The following CCDC7 variants were observed in gnomAD, a reference collection of about 807,000 sequenced individuals.
The protein encoded by CCDC7 is coiled-coil domain-containing protein 7.
In CCDC7, 183 loss-of-function variants were observed where a neutral mutation model predicts 196.9. The observed-to-expected ratio is 0.93, with a 90% confidence interval of 0.82 to 1.05. The LOEUF (loss-of-function observed/expected upper bound fraction) is 1.05. Among genes scored for constraint, CCDC7 ranks in the 50% least tolerant of loss-of-function variants. CCDC7 has a pLI of 0.00. For missense variants in CCDC7, 1,540 were observed against 1,482.2 expected (o/e 1.04, Z -0.64); for synonymous variants, 525 against 484.6 (o/e 1.08, Z -1.10).
chr10:32,819,293 T>G (rs558608149), intron 31 of CCDC7, among the ~76,000 whole-genome samples: 4 of 152,236 alleles, frequency 2.6e-5, no homozygotes, highest in Non-Finnish European at 4.4e-5. Flanking sequence ...AATAGACCAA[T>G]AACAGGCTCT....
chr10:32,809,314 A>T (rs2086555073), intron 30 of CCDC7, among the ~76,000 whole-genome samples: 1 of 152,222 alleles, frequency 6.6e-6, no homozygotes, highest in African/African-American at 2.4e-5. Flanking sequence ...GAGAACACAG[A>T]TAAACAATAC....
At chr10:32,873,381 T>C (rs2094497495) in intron 41 of CCDC7, among the ~76,000 whole-genome samples, 1 of 152,072 alleles carries the variant, frequency 6.6e-6, no homozygotes, top group African/African-American at 2.4e-5. Flanking sequence ...GGTTTTCAGC[T>C]CCATCAGGTC....
At chr10:32,776,799 G>A (rs1185147283) in intron 28 of CCDC7, among the ~76,000 whole-genome samples, 1 of 152,176 alleles carries the variant, frequency 6.6e-6, no homozygotes, top group African/African-American at 2.4e-5. Flanking sequence ...TAGATGATTA[G>A]ATGATTGGGA....
intron 11 of CCDC7, among the ~76,000 whole-genome samples, chr10:32,533,707 CTT>C (rs1173525821): frequency 6.6e-6 from 1 of 152,038 alleles, no homozygotes; most frequent in Non-Finnish European, 1.5e-5. Flanking sequence ...TCTTTCAACA[CTT>C]TGAAAATCTC....
chr10:32,509,797 A>G (rs1427751396), intron 9 of CCDC7, among the ~76,000 whole-genome samples: 1 of 152,210 alleles, frequency 6.6e-6, no homozygotes, highest in Non-Finnish European at 1.5e-5. Context: ...ACTTTATATC[A>G]CCAATCATCA....
At chr10:32,524,056 CT>C (rs2048291600) in intron 11 of CCDC7, among the ~76,000 whole-genome samples, 1 of 130,428 alleles carries the variant, frequency 7.7e-6, no homozygotes, top group African/African-American at 2.8e-5. Context: ...ACAGCCTTAT[CT>C]TTCTTCCTTC....
chr10:32,693,838 G>A lies in CCDC7; in HGVS notation c.2345-1041G>A, dbSNP rs1055189300. Among the ~76,000 whole-genome samples the A allele has an allele frequency of 1.9e-4, 29 of 152,166 alleles. No individual in the cohort carries two copies. The South Asian group carries it at 5.6e-3, about 29-fold the overall frequency. On this transcript the variant is annotated intron_variant, in intron 23 of 41. Transcript: ENST00000639629. ...TGAGTGTGGGTATGTGTCTGAGTGC[G>A]CCCTGATATGGCATAGCATTCTGTC...
intron 28 of CCDC7, among the ~76,000 whole-genome samples, chr10:32,760,554 T>A (rs958521661): frequency 6.6e-6 from 1 of 151,592 alleles, no homozygotes; most frequent in Non-Finnish European, 1.5e-5. Context: ...ATGAGAACAC[T>A]TGGACACAGG....
chr10:32,488,467 T>C (rs529035055), intron 8 of CCDC7, among the ~76,000 whole-genome samples: 1 of 152,310 alleles, frequency 6.6e-6, no homozygotes, highest in Non-Finnish European at 1.5e-5. Context: ...CTTCGGCTGA[T>C]GCTCGTTGCG....
chr10:32,758,617 A>G (rs144732775), intron 28 of CCDC7, among the ~76,000 whole-genome samples: 6,465 of 152,216 alleles, frequency 0.042, 177 homozygotes, highest in Middle Eastern at 0.068. Flanking sequence ...TGAGATATTT[A>G]TGACAAACCC....
At chr10:32,667,245 G>A (rs908247401) in intron 21 of CCDC7, among the ~76,000 whole-genome samples, 9 of 152,124 alleles carry the variant, frequency 5.9e-5, no homozygotes, top group African/African-American at 2.2e-4. Context: ...ATTTGTTTAA[G>A]TTCTTTGTAG....
At chr10:32,801,358 A>G (rs1471084083) in intron 29 of CCDC7, among the ~76,000 whole-genome samples, 3 of 152,192 alleles carry the variant, frequency 2.0e-5, no homozygotes, top group Admixed American at 6.5e-5. Context: ...ACAGTGGGCC[A>G]TCTTTTAATC....
chr10:32,742,433 T>C (rs2086013519), intron 28 of CCDC7, among the ~76,000 whole-genome samples: 1 of 152,208 alleles, frequency 6.6e-6, no homozygotes, highest in Admixed American at 6.5e-5. Flanking sequence ...ATGTATATGA[T>C]CATTATAGTA....
chr10:32,460,148 G>A (rs1001249962), intron 3 of CCDC7, among the ~76,000 whole-genome samples: 2 of 152,064 alleles, frequency 1.3e-5, no homozygotes, highest in Non-Finnish European at 2.9e-5. Context: ...TATAAGCTCT[G>A]TATATAAATA....
At chr10:32,820,939 T>C (rs965698502) in intron 31 of CCDC7, among the ~76,000 whole-genome samples, 7 of 152,082 alleles carry the variant, frequency 4.6e-5, no homozygotes, top group Admixed American at 2.6e-4. Context: ...CCAAAAGCAA[T>C]GGCAACAAAA....
chr10:32,845,913 A>G (rs1401823286), exon 36 of CCDC7: 1 of 1,612,498 alleles, frequency 6.2e-7, no homozygotes, highest in East Asian at 2.2e-5. Context: ...CTATTGGAAG[A>G]GGTATAATAA....
intron 27 of CCDC7, 99 bp downstream of exon 28, chr10:32,729,096 T>C: frequency 1.1e-6 from 1 of 924,362 alleles, no homozygotes; most frequent in Admixed American, 2.9e-5. Context: ...CTATATTTCA[T>C]CAACTTTTAA....
rs370066606 is a variant in CCDC7 at position 32,642,456 on chromosome 10, G to T, written c.2014+7298G>T. Among the ~76,000 whole-genome samples, 73 of 152,338 alleles carry T rather than the reference G, an allele frequency of 4.8e-4. 1 individual carries two copies. Among genetic ancestry groups the T allele is most frequent in the East Asian group, 2.1e-3 (11 of 5,182 alleles). On this transcript the variant is annotated intron_variant, in intron 20 of 41. Coordinates refer to ENST00000639629, the Ensembl canonical transcript of CCDC7. The stretch of plus-strand genomic sequence containing the variant: ...GCGTAGGACCCTCCGAGCCAGGTGC[G>T]GGATATAATCTCCTGGTGTGCTGTT...
chr10:32,492,133 A>G (rs1342255428), intron 9 of CCDC7, 136 bp downstream of exon 10: 8 of 844,344 alleles, frequency 9.5e-6, no homozygotes, highest in African/African-American at 1.8e-5. Context: ...GAAAACATAA[A>G]GAAGAAAATA....
Sources: allele counts gnomAD v4.1 joint callset (sites outside exome capture counted in the v4.1 genomes callset), GRCh38; gene constraint gnomAD v4.1.1; transcripts MANE v1.5; gene names NCBI Gene and HGNC (gene_info 2026-07-23, HGNC 2026-07-21).